Variants in PPHLN1 observed in about 807,000 individuals in gnomAD.
The protein encoded by PPHLN1 is periphilin 1, also known as periphilin-1.
A neutral mutation model predicts 51.3 loss-of-function variants in PPHLN1; 29 were observed. That is an observed-to-expected ratio of 0.57 (90% CI 0.42 to 0.77). The LOEUF is 0.77. Among genes scored for constraint, PPHLN1 ranks in the 30% least tolerant of loss-of-function variants. The pLI is 0.00. For synonymous variants in PPHLN1, 147 were observed against 147.8 expected, an observed-to-expected ratio of 0.99 and a Z score of 0.04; for missense variants, 436 against 438.4, an observed-to-expected ratio of 0.99 and a Z score of 0.05.
chr12:42,378,733 T>C (rs2076519018), intron 5 of PPHLN1, among the ~76,000 whole-genome samples: 1 of 152,154 alleles, frequency 6.6e-6, no homozygotes. Flanking sequence ...CTCACATACA[T>C]ACACACACAT....
At chr12:42,363,095 G>T (rs994701561) in intron 4 of PPHLN1, among the ~76,000 whole-genome samples, 1 of 152,170 alleles carries the variant, frequency 6.6e-6, no homozygotes, top group African/African-American at 2.4e-5. Flanking sequence ...GCCAATGCTT[G>T]TGTTGCTATG....
intron 9 of PPHLN1, chr12:42,399,602 A>G: frequency 4.9e-6 from 1 of 203,414 alleles, no homozygotes; most frequent in Non-Finnish European, 8.7e-6. Context: ...GAATAAATGT[A>G]ATTACATTGA....
At chr12:42,412,464 T>C (rs913852519) in intron 9 of PPHLN1, among the ~76,000 whole-genome samples, 1 of 152,138 alleles carries the variant, frequency 6.6e-6, no homozygotes, top group African/African-American at 2.4e-5. Context: ...CCGTGGTGTA[T>C]ATATACCATA....
rs1480147278 is a variant in PPHLN1, at chr12:42,434,438, A to T, written c.910-6877A>T. On this transcript the variant is annotated intron_variant, in intron 9 of 9. Coordinates refer to ENST00000358314, the MANE Select transcript of PPHLN1 (RefSeq NM_201439.2). ...TTTCTGTGAGCTGCTCTTGCAAATG[A>T]TTGAACCCAAGGAGGGGCTTGTAAG... Among the ~76,000 whole-genome samples the T allele has an allele frequency of 4.0e-4, 61 of 152,254 alleles. 1 individual carries two copies. The highest frequency in any genetic ancestry group is 4.0e-3 in the Admixed American group (61 of 15,290).
intron 5 of PPHLN1, among the ~76,000 whole-genome samples, chr12:42,381,374 T>C (rs149397013): frequency 6.6e-6 from 1 of 152,350 alleles, no homozygotes; most frequent in East Asian, 1.9e-4. Flanking sequence ...ATTCTGTCAG[T>C]AGCAAATGTT....
intron 9 of PPHLN1, among the ~76,000 whole-genome samples, chr12:42,418,098 C>A (rs2139644455): frequency 6.6e-6 from 1 of 151,058 alleles, no homozygotes; most frequent in East Asian, 1.9e-4. Context: ...TGCCACCAAG[C>A]CCAGCTAATT....
At chr12:42,391,060 C>T (rs1297940187) in intron 7 of PPHLN1, among the ~76,000 whole-genome samples, 1 of 152,048 alleles carries the variant, frequency 6.6e-6, no homozygotes, top group Non-Finnish European at 1.5e-5. Context: ...TTGATTTGCC[C>T]AAGGTCACAT....
chr12:42,445,788 T>TA, downstream of PPHLN1: 2 of 636,640 alleles, frequency 3.1e-6, no homozygotes, highest in Middle Eastern at 4.4e-4. Flanking sequence ...GCACAAGCCT[T>TA]ACTTACCCTT....
intron 4 of PPHLN1, among the ~76,000 whole-genome samples, chr12:42,365,021 A>G (rs2075120835): frequency 6.6e-6 from 1 of 152,160 alleles, no homozygotes; most frequent in African/African-American, 2.4e-5. Flanking sequence ...AACTGTAAAC[A>G]TGTGATTTTG....
intron 9 of PPHLN1, chr12:42,431,589 T>C (rs934859871): frequency 7.5e-6 from 5 of 663,166 alleles, no homozygotes; most frequent in African/African-American, 7.2e-5. Context: ...GCGATCCATA[T>C]TCTATCTTTG....
At position 42,332,775 on chromosome 12, in the gene PPHLN1, TA is replaced by T. The variant is rs2069968175; in HGVS notation, c.-20-3107del. The T allele has an allele frequency of 3.4e-6, 3 of 875,048 alleles. No homozygotes were observed. In the Admixed American group the frequency reaches 7.7e-5, roughly 22 times the overall value. 54.2% of individuals were successfully genotyped at this position (875,048 alleles called of 1,614,324 possible). A position where few individuals can be genotyped will look rare whatever the true frequency, so the allele number is the denominator to read the frequency against. On this transcript the variant is annotated intron_variant, in intron 1 of 9. Transcript: ENST00000358314. ...TTTGTGGGACACCGGTAAATTTTAA[TA>T]TTTCAGTATTAAACTACATACTATT...
chr12:42,446,605 A>T (rs1262293903), downstream of PPHLN1: 7 of 1,613,398 alleles, frequency 4.3e-6, no homozygotes, highest in Non-Finnish European at 5.9e-6. Context: ...GTAAAGCCAG[A>T]AAACAAGCAG....
chr12:42,352,065 C>A lies in PPHLN1; in HGVS notation c.237+16C>A. Reference sequence around the variant, plus strand: ...TCACAGAGGAGTATGTAAATTTCCCCCATGTACTAATTGTTATTTCTTATA... The same window carrying A: ...TCACAGAGGAGTATGTAAATTTCCCACATGTACTAATTGTTATTTCTTATA... On this transcript the variant is annotated intron_variant, in intron 3 of 9. Transcript: ENST00000358314. 1 of 1,432,096 alleles carries A rather than the reference C, an allele frequency of 7.0e-7. No homozygotes were observed. Among genetic ancestry groups the A allele is most frequent in the Non-Finnish European group, 9.2e-7 (1 of 1,090,350 alleles). The allele number at this position is 1,432,096 out of a possible 1,614,324, so 88.7% of individuals were successfully genotyped here. A position where few individuals can be genotyped will look rare whatever the true frequency, so the allele number is the denominator to read the frequency against.
At chr12:42,434,098 C>CT (rs1387631444) in intron 9 of PPHLN1, among the ~76,000 whole-genome samples, 1 of 152,176 alleles carries the variant, frequency 6.6e-6, no homozygotes, top group Non-Finnish European at 1.5e-5. Flanking sequence ...TCTCTTCTAT[C>CT]TGGCTGTTCC....
chr12:42,433,097 A>G, intron 9 of PPHLN1: 31 of 784,844 alleles, frequency 3.9e-5, no homozygotes, highest in South Asian at 3.8e-4. Flanking sequence ...TGACAGGCCA[A>G]AGTTGTTCAA....
chr12:42,439,493 G>T (rs1414711527), intron 9 of PPHLN1, among the ~76,000 whole-genome samples: 1 of 152,160 alleles, frequency 6.6e-6, no homozygotes, highest in Non-Finnish European at 1.5e-5. Context: ...TTTAAAGTAA[G>T]GTGTGTTGTT....
At chr12:42,426,515 A>C (rs1045494694) in intron 9 of PPHLN1, among the ~76,000 whole-genome samples, 1 of 152,206 alleles carries the variant, frequency 6.6e-6, no homozygotes, top group African/African-American at 2.4e-5. Context: ...ATTTTTATAA[A>C]AAAAGGCCAA....
chr12:42,408,650 T>TTGCTC (rs2079528929), intron 9 of PPHLN1, among the ~76,000 whole-genome samples: 1 of 152,218 alleles, frequency 6.6e-6, no homozygotes, highest in Non-Finnish European at 1.5e-5. Context: ...GAGCCTTGCT[T>TTGCTC]TGCTCATCAT....
At chr12:42,376,096 A>G (rs1243251501) in intron 5 of PPHLN1, among the ~76,000 whole-genome samples, 1 of 152,244 alleles carries the variant, frequency 6.6e-6, no homozygotes, top group Non-Finnish European at 1.5e-5. Context: ...ATGTAAGAAC[A>G]TGTCATAAAG....
Sources: allele counts gnomAD v4.1 joint callset (sites outside exome capture counted in the v4.1 genomes callset), GRCh38; gene constraint gnomAD v4.1.1; transcripts MANE v1.5; gene names NCBI Gene and HGNC (gene_info 2026-07-23, HGNC 2026-07-21).